Variants in KCNIP4 observed in about 807,000 individuals in gnomAD.
KCNIP4 encodes Kv channel-interacting protein 4.
A neutral mutation model predicts 34.0 loss-of-function variants in KCNIP4; 12 were observed. The observed-to-expected ratio is 0.35, with a 90% CI of 0.23 to 0.57. The LOEUF is 0.57. KCNIP4 is among the 20% of genes least tolerant of loss of function. KCNIP4 has a pLI of 0.83. For missense variants in KCNIP4, 238 were observed against 311.7 expected, an observed-to-expected ratio of 0.76 and a Z score of 1.78; for synonymous variants, 124 against 102.2, an observed-to-expected ratio of 1.21 and a Z score of -1.29.
At chr4:21,320,396 G>A (rs1436018266) in intron 1 of KCNIP4, among the ~76,000 whole-genome samples, 1 of 152,154 alleles carries the variant, frequency 6.6e-6, no homozygotes, top group Non-Finnish European at 1.5e-5. Flanking sequence ...GTGAGTCAAG[G>A]AAACTATAGA....
intron 1 of KCNIP4, among the ~76,000 whole-genome samples, chr4:20,903,235 G>A (rs551895219): frequency 6.6e-6 from 1 of 152,316 alleles, no homozygotes; most frequent in South Asian, 2.1e-4. Context: ...TTTAAGTGAA[G>A]TACCTTAGTT....
At chr4:21,613,335 CTG>C (rs1346202545) in intron 1 of KCNIP4, 1 of 152,162 alleles carries the variant, frequency 6.6e-6, no homozygotes, top group African/African-American at 2.4e-5. Flanking sequence ...GGTTCAGTCT[CTG>C]TGGGCCACCA....
At chr4:21,697,836 G>T (rs1389755670) in intron 1 of KCNIP4, 3 of 194,082 alleles carry the variant, frequency 1.5e-5, no homozygotes. Context: ...CAGTGAATCA[G>T]CATGTAAGCA....
chr4:21,804,495 C>A (rs941191081), intron 1 of KCNIP4, among the ~76,000 whole-genome samples: 1 of 152,134 alleles, frequency 6.6e-6, no homozygotes, highest in East Asian at 1.9e-4. Context: ...AATAAATAAT[C>A]CTGTGACTTG....
chr4:21,594,977 ATTATACTTT>A (rs1158866486), intron 1 of KCNIP4, among the ~76,000 whole-genome samples: 1 of 152,068 alleles, frequency 6.6e-6, no homozygotes, highest in East Asian at 1.9e-4. Flanking sequence ...AAAAAAATTT[ATTATACTTT>A]TTATACTTTA....
intron 1 of KCNIP4, among the ~76,000 whole-genome samples, chr4:21,444,355 A>C (rs1196463483): frequency 6.6e-6 from 1 of 152,238 alleles, no homozygotes; most frequent in Non-Finnish European, 1.5e-5. Context: ...TCCCTGATGA[A>C]CATTGATGCA....
At chr4:21,459,346 A>G (rs1178682831) in intron 1 of KCNIP4, among the ~76,000 whole-genome samples, 1 of 152,010 alleles carries the variant, frequency 6.6e-6, no homozygotes, top group African/African-American at 2.4e-5. Flanking sequence ...CATGACATTA[A>G]ACTGTATTAG....
At chr4:21,780,353 G>T (rs1560709224) in intron 1 of KCNIP4, among the ~76,000 whole-genome samples, 1 of 151,968 alleles carries the variant, frequency 6.6e-6, no homozygotes, top group East Asian at 1.9e-4. Flanking sequence ...AAAATAAACA[G>T]TTTGCTTGAA....
chr4:21,411,844 A>G (rs927211644), intron 1 of KCNIP4, among the ~76,000 whole-genome samples: 10 of 152,184 alleles, frequency 6.6e-5, no homozygotes, highest in African/African-American at 2.4e-4. Context: ...TCTCAAAAAA[A>G]TAAAAGAAGT....
chr4:20,832,332 TG>T (rs1027139408), intron 3 of KCNIP4, among the ~76,000 whole-genome samples: 2 of 152,152 alleles, frequency 1.3e-5, no homozygotes, highest in African/African-American at 4.8e-5. Context: ...GGAACTTCAC[TG>T]GGAGGAACTA....
chr4:21,461,630 G>C (rs1306591405), intron 1 of KCNIP4, among the ~76,000 whole-genome samples: 1 of 152,142 alleles, frequency 6.6e-6, no homozygotes, highest in East Asian at 1.9e-4. Context: ...CCAGTCTCTA[G>C]ACTTTTTCCT....
chr4:20,767,025 C>A (rs971632356), intron 3 of KCNIP4: 2 of 152,158 alleles, frequency 1.3e-5, no homozygotes, highest in African/African-American at 4.8e-5. Flanking sequence ...AGCCCTCTAC[C>A]TTACACATCA....
chr4:21,262,425 G>T (rs1201901186), intron 1 of KCNIP4, among the ~76,000 whole-genome samples: 1 of 152,136 alleles, frequency 6.6e-6, no homozygotes, highest in East Asian at 1.9e-4. Flanking sequence ...AAGTGGCTGT[G>T]GATTTGTATC....
intron 1 of KCNIP4, among the ~76,000 whole-genome samples, chr4:21,258,397 T>C (rs1265227004): frequency 6.6e-6 from 1 of 152,174 alleles, no homozygotes; most frequent in African/African-American, 2.4e-5. Flanking sequence ...TTATCATGTA[T>C]GTACGCGTGG....
intron 1 of KCNIP4, among the ~76,000 whole-genome samples, chr4:20,947,085 G>A (rs1471153904): frequency 2.6e-5 from 4 of 152,158 alleles, no homozygotes; most frequent in African/African-American, 7.2e-5. Flanking sequence ...AGTCTTGAGG[G>A]ATCAGTGCAA....
intron 1 of KCNIP4, among the ~76,000 whole-genome samples, chr4:21,798,356 G>A (rs531571052): frequency 2.7e-5 from 4 of 148,372 alleles, no homozygotes; most frequent in African/African-American, 4.9e-5. Flanking sequence ...ATTCAAGACC[G>A]GCCTGGGCAA....
At chr4:21,945,708 G>A (rs1275991658) in intron 1 of KCNIP4, among the ~76,000 whole-genome samples, 1 of 151,446 alleles carries the variant, frequency 6.6e-6, no homozygotes, top group East Asian at 1.9e-4. Flanking sequence ...CTCTGACCTT[G>A]TTTCTGATTC....
rs139728836 is a variant in KCNIP4, at chr4:21,747,100, C to T, written c.61+201471G>A. Among the ~76,000 whole-genome samples, 438 of 152,224 alleles carry T rather than the reference C, an allele frequency of 2.9e-3. 2 individuals are homozygous for T. The highest frequency in any genetic ancestry group is 9.7e-3 in the African/African-American group (404 of 41,552). On this transcript the variant is annotated intron_variant, in intron 1 of 8. Coordinates refer to ENST00000382152, the MANE Select transcript of KCNIP4 (RefSeq NM_025221.6). ...AACAGGTCAGCTTCTTACTTTAATG[C>T]TTTGCTTTCACTCTGCCACATGGTT...
At chr4:21,119,588 T>C (rs546368177) in intron 1 of KCNIP4, among the ~76,000 whole-genome samples, 1 of 151,994 alleles carries the variant, frequency 6.6e-6, no homozygotes, top group East Asian at 2.0e-4. Flanking sequence ...CATTTTCTTG[T>C]TAAGGCTGAG....
Sources: allele counts gnomAD v4.1 joint callset (sites outside exome capture counted in the v4.1 genomes callset), GRCh38; gene constraint gnomAD v4.1.1; transcripts MANE v1.5; gene names NCBI Gene and HGNC (gene_info 2026-07-23, HGNC 2026-07-21).